Variants in DLG2 observed in about 807,000 individuals in gnomAD.
DLG2 encodes disks large homolog 2.
DLG2 carries 45 observed loss-of-function variants against 132.5 expected under a neutral mutation model. The ratio of observed to expected loss-of-function variants is 0.34; its 90% CI spans 0.27 to 0.44. The LOEUF (loss-of-function observed/expected upper bound fraction) is 0.44. Ranked by LOEUF, DLG2 falls within the 20% of genes least tolerant of loss-of-function variation. The probability of loss-of-function intolerance (pLI) is 1.00; values close to 1 mark genes in which losing one functional copy is unlikely to be tolerated. For missense variants in DLG2, 1,045 were observed against 1,196.9 expected, an observed-to-expected ratio of 0.87 and a Z score of 1.87; for synonymous variants, 424 against 419.6, an observed-to-expected ratio of 1.01 and a Z score of -0.13.
chr11:85,589,307 G>C (rs1158789730), intron 3 of DLG2, among the ~76,000 whole-genome samples: 2 of 152,180 alleles, frequency 1.3e-5, no homozygotes, highest in African/African-American at 2.4e-5. Context: ...CAGACTACAG[G>C]CAGAAGGTGG....
chr11:83,862,448 G>A (rs1039207647), intron 16 of DLG2, among the ~76,000 whole-genome samples: 16 of 152,062 alleles, frequency 1.1e-4, no homozygotes, highest in African/African-American at 3.1e-4. Flanking sequence ...GCTGTGAAGG[G>A]CAGTGGTGGG....
intron 3 of DLG2, among the ~76,000 whole-genome samples, chr11:85,458,354 G>C (rs2092486939): frequency 6.6e-6 from 1 of 151,914 alleles, no homozygotes; most frequent in African/African-American, 2.4e-5. Flanking sequence ...ATGATCCTTA[G>C]CTTTCTTGCA....
At chr11:85,332,357 G>A (rs1220322620) in intron 3 of DLG2, among the ~76,000 whole-genome samples, 2 of 152,078 alleles carry the variant, frequency 1.3e-5, no homozygotes, top group Non-Finnish European at 1.5e-5. Flanking sequence ...TATAGATCCT[G>A]GCTATTAGAC....
At chr11:83,562,164 T>C (rs923613467) in intron 19 of DLG2, among the ~76,000 whole-genome samples, 1 of 151,970 alleles carries the variant, frequency 6.6e-6, no homozygotes, top group African/African-American at 2.4e-5. Flanking sequence ...TGGGATTACA[T>C]GCGTGAGCCA....
chr11:83,465,351 G>C (rs911396684), intron 26 of DLG2, among the ~76,000 whole-genome samples: 6 of 152,188 alleles, frequency 3.9e-5, no homozygotes, highest in Admixed American at 6.5e-5. Context: ...TTTGTCTTCA[G>C]AGGAGACACA....
At chr11:84,354,761 C>T (rs1330660265) in intron 7 of DLG2, among the ~76,000 whole-genome samples, 1 of 152,102 alleles carries the variant, frequency 6.6e-6, no homozygotes, top group Non-Finnish European at 1.5e-5. Context: ...GTTAGGCTCA[C>T]TACATCAATT....
intron 6 of DLG2, among the ~76,000 whole-genome samples, chr11:84,743,028 C>T (rs1227841978): frequency 6.6e-6 from 1 of 152,092 alleles, no homozygotes; most frequent in African/African-American, 2.4e-5. Flanking sequence ...GTAGTGAGCT[C>T]TTAAATAATT....
rs367582814 is a variant in DLG2, at chr11:84,744,656, G to A, written c.358-209925C>T. Among the ~76,000 whole-genome samples the A allele has an allele frequency of 4.6e-5, 7 of 152,122 alleles. No homozygotes were observed. The East Asian group carries it at 9.7e-4, about 21-fold the overall frequency. ...GAAGCAAAGTCAAATTCCCACCTGA[G>A]GTAATGTTTGAACATTCTTATTTTC... On this transcript the variant is annotated intron_variant, in intron 6 of 27. Coordinates refer to ENST00000376104, the MANE Select transcript of DLG2 (RefSeq NM_001142699.3).
chr11:85,093,227 A>C (rs1417293839), intron 6 of DLG2, among the ~76,000 whole-genome samples: 1 of 152,222 alleles, frequency 6.6e-6, no homozygotes, highest in East Asian at 1.9e-4. Flanking sequence ...CTGACAAAAA[A>C]CAATTTTGAA....
intron 6 of DLG2, among the ~76,000 whole-genome samples, chr11:84,611,004 C>A (rs1367232372): frequency 1.4e-5 from 2 of 142,942 alleles, no homozygotes; most frequent in African/African-American, 2.6e-5. Flanking sequence ...GATATGTGTA[C>A]CACTGTCTGT....
chr11:84,949,380 T>C (rs2050636537), intron 6 of DLG2, among the ~76,000 whole-genome samples: 1 of 152,100 alleles, frequency 6.6e-6, no homozygotes. Context: ...CTAATGAAGT[T>C]GAGACAGGGA....
chr11:84,696,036 T>C (rs1013828524), intron 6 of DLG2, among the ~76,000 whole-genome samples: 6 of 151,528 alleles, frequency 4.0e-5, no homozygotes, highest in African/African-American at 1.5e-4. Flanking sequence ...CACTTAACAA[T>C]TGTCTTTCAT....
chr11:83,480,702 T>G, intron 22 of DLG2: 1 of 1,339,752 alleles, frequency 7.5e-7, no homozygotes, highest in Non-Finnish European at 1.0e-6. Context: ...AAAAATACTA[T>G]GACCCATTCA....
intron 3 of DLG2, among the ~76,000 whole-genome samples, chr11:85,573,817 C>T (rs2077987787): frequency 6.6e-6 from 1 of 152,118 alleles, no homozygotes; most frequent in African/African-American, 2.4e-5. Context: ...TAAATCAATT[C>T]CAGAAGACTC....
intron 7 of DLG2, among the ~76,000 whole-genome samples, chr11:84,363,602 T>A (rs1035419039): frequency 6.6e-6 from 1 of 151,678 alleles, no homozygotes; most frequent in Non-Finnish European, 1.5e-5. Flanking sequence ...ATGTCCTGAA[T>A]GGTAATGCCT....
intron 7 of DLG2, among the ~76,000 whole-genome samples, chr11:84,472,770 G>C (rs1390627989): frequency 1.3e-5 from 2 of 151,738 alleles, no homozygotes; most frequent in African/African-American, 4.8e-5. Context: ...GACCATACCA[G>C]CAACTGAAAA....
intron 19 of DLG2, among the ~76,000 whole-genome samples, chr11:83,601,404 T>A (rs1339645322): frequency 6.6e-6 from 1 of 151,986 alleles, no homozygotes; most frequent in African/African-American, 2.4e-5. Flanking sequence ...AGTGTGGGGA[T>A]GGAGCCAACG....
chr11:84,155,295 T>C (rs2095406819), intron 9 of DLG2, among the ~76,000 whole-genome samples: 2 of 152,196 alleles, frequency 1.3e-5, no homozygotes, highest in Admixed American at 6.5e-5. Flanking sequence ...CTGGAGCTTG[T>C]CAACTCTGTG....
chr11:84,349,172 A>G (rs1415419474), intron 7 of DLG2, among the ~76,000 whole-genome samples: 6 of 152,172 alleles, frequency 3.9e-5, no homozygotes, highest in Admixed American at 3.9e-4. Context: ...TAAGTGCATG[A>G]TCTCAATATT....
Sources: allele counts gnomAD v4.1 joint callset (sites outside exome capture counted in the v4.1 genomes callset), GRCh38; gene constraint gnomAD v4.1.1; transcripts MANE v1.5; gene names NCBI Gene and HGNC (gene_info 2026-07-23, HGNC 2026-07-21).